TRIM24: variants seen among roughly 807,000 people sequenced by gnomAD.
TRIM24 encodes the protein transcription intermediary factor 1-alpha.
A neutral mutation model predicts 123.9 loss-of-function variants in TRIM24; 29 were observed. The ratio of observed to expected loss-of-function variants is 0.23; its 90% CI spans 0.17 to 0.32. The LOEUF is 0.32. Among genes scored for constraint, TRIM24 ranks in the 10% least tolerant of loss-of-function variants. The pLI is 1.00. For missense variants in TRIM24, 932 were observed against 1,295.3 expected (o/e 0.72, Z 4.31); for synonymous variants, 456 against 461.1 (o/e 0.99, Z 0.14).
At chr7:138,476,820 G>A (rs188504485) in intron 1 of TRIM24, among the ~76,000 whole-genome samples, 1 of 152,156 alleles carries the variant, frequency 6.6e-6, no homozygotes, top group Non-Finnish European at 1.5e-5. Context: ...AGATACAAAT[G>A]CAAAATAATA....
chr7:138,504,233 G>C, intron 1 of TRIM24, 57 bp from the exon 2 acceptor site: 2 of 1,126,794 alleles, frequency 1.8e-6, no homozygotes, highest in Middle Eastern at 2.1e-4. Context: ...GAGATGTATT[G>C]GTTAAGTACT....
intron 1 of TRIM24, among the ~76,000 whole-genome samples, chr7:138,491,576 A>G (rs1484944850): frequency 6.6e-6 from 1 of 152,162 alleles, no homozygotes; most frequent in African/African-American, 2.4e-5. Context: ...TTATTTACAC[A>G]TTGATCTTTT....
At chr7:138,583,126 C>T (rs1022552348) in intron 17 of TRIM24, among the ~76,000 whole-genome samples, 11 of 152,102 alleles carry the variant, frequency 7.2e-5, no homozygotes, top group Non-Finnish European at 1.3e-4. Context: ...AGTAGCTTAC[C>T]CAGGACCATG....
chr7:138,563,139 C>A (rs1797462201), intron 9 of TRIM24, among the ~76,000 whole-genome samples: 3 of 152,182 alleles, frequency 2.0e-5, no homozygotes, highest in Admixed American at 2.0e-4. Context: ...GCTGGCCCCC[C>A]ACTTCTAATG....
chr7:138,576,182 T>C (rs1022270176), intron 12 of TRIM24, among the ~76,000 whole-genome samples, 191 bp from the exon 13 acceptor site: 10 of 152,218 alleles, frequency 6.6e-5, no homozygotes, highest in African/African-American at 2.4e-4. Flanking sequence ...AAGTCAATAG[T>C]GCAGAGGCTG....
chr7:138,553,935 A>C (rs1173738243), intron 8 of TRIM24, among the ~76,000 whole-genome samples: 1 of 152,214 alleles, frequency 6.6e-6, no homozygotes, highest in Non-Finnish European at 1.5e-5. Flanking sequence ...ACTTACATAC[A>C]GGACAGTCCA....
chr7:138,462,877 T>A (rs1195797319), intron 1 of TRIM24, among the ~76,000 whole-genome samples: 2 of 143,020 alleles, frequency 1.4e-5, no homozygotes, highest in Admixed American at 7.0e-5. Flanking sequence ...TATTTATTTA[T>A]TTTTTTTTTG....
chr7:138,585,390 G>C lies in TRIM24; in HGVS notation c.*439G>C, dbSNP rs983427105. ...GCTTTAGAAATTAATACCACTACCC[G>C]TGAATTATATGGCCTGACAATATGA... On this transcript the variant is annotated 3_prime_UTR_variant, in exon 19 of 19. Transcript: ENST00000343526. The C allele has an allele frequency of 1.3e-5, 3 of 230,826 alleles. No homozygotes were observed. Among genetic ancestry groups the C allele is most frequent in the Non-Finnish European group, 1.7e-5 (2 of 117,674 alleles). 14.3% of individuals were successfully genotyped at this position (230,826 alleles called of 1,614,324 possible).
chr7:138,588,392 G>C lies in TRIM24; in HGVS notation c.*3441G>C, dbSNP rs1798052730. Reference sequence around the variant, plus strand: ...GTGAATGAGAGAAATTGAGTGATCTGATTGGCCATTAAAATTATGGTGAAT... The same window carrying C: ...GTGAATGAGAGAAATTGAGTGATCTCATTGGCCATTAAAATTATGGTGAAT... On this transcript the variant is annotated 3_prime_UTR_variant, in exon 19 of 19. Transcript: ENST00000343526. The C allele has an allele frequency of 6.6e-6, 1 of 152,250 alleles. No homozygotes were observed. Among genetic ancestry groups the C allele is most frequent in the Non-Finnish European group, 1.5e-5 (1 of 68,054 alleles). The allele number at this position is 152,250 out of a possible 1,614,324, so 9.4% of individuals were successfully genotyped here. A position where few individuals can be genotyped will look rare whatever the true frequency, so the allele number is the denominator to read the frequency against.
At chr7:138,487,312 T>C (rs530794001) in intron 1 of TRIM24, among the ~76,000 whole-genome samples, 235 of 152,370 alleles carry the variant, frequency 1.5e-3, no homozygotes, top group Non-Finnish European at 2.6e-3. Flanking sequence ...CCTCTTTTGC[T>C]AATTGAATAC....
At chr7:138,538,841 G>A (rs773095922) in intron 7 of TRIM24, 38 bp downstream of exon 7, 8 of 1,576,310 alleles carry the variant, frequency 5.1e-6, no homozygotes, top group South Asian at 2.3e-5. Flanking sequence ...CTGTAAAAAT[G>A]CACAGTAAAA....
chr7:138,517,308 A>G (rs1239874446), intron 3 of TRIM24, among the ~76,000 whole-genome samples: 1 of 151,922 alleles, frequency 6.6e-6, no homozygotes, highest in South Asian at 2.1e-4. Flanking sequence ...TTTTTAGTTC[A>G]TTAATTTTAT....
At chr7:138,559,938 G>T (rs536815560) in intron 9 of TRIM24, among the ~76,000 whole-genome samples, 12 of 152,102 alleles carry the variant, frequency 7.9e-5, no homozygotes, top group Admixed American at 6.5e-4. Context: ...ACCCAGCCAT[G>T]GATTCTTTGC....
rs1794941423 is a variant in TRIM24 at position 138,460,735 on chromosome 7, A to G, written c.187A>G (p.Ile63Val). 1.9e-6 allele frequency: 3 copies of G among 1,576,448 alleles called. No homozygotes were observed. The highest frequency in any genetic ancestry group is 2.6e-6 in the Non-Finnish European group (3 of 1,164,486). ...CACTTGCGCCGTGTGCCACCAGAAC[A>G]TCCAGAGCCGGGCGCCCAAGCTGCT... ...LDTCAVCHQN[I>V]QSRAPKLLPC... The change falls in exon 1 of 19, where the codon ATC becomes GTC. Residue 63 changes from isoleucine (I) to valine (V), a missense_variant. Coordinates refer to ENST00000343526, the MANE Select transcript of TRIM24 (RefSeq NM_015905.3).
At chr7:138,463,713 C>A (rs1012099340) in intron 1 of TRIM24, among the ~76,000 whole-genome samples, 1 of 152,114 alleles carries the variant, frequency 6.6e-6, no homozygotes, top group Admixed American at 6.5e-5. Context: ...TTCCATACTT[C>A]TCAAAATGTT....
intron 2 of TRIM24, 51 bp downstream of exon 2, chr7:138,504,459 T>C: frequency 1.7e-6 from 2 of 1,175,510 alleles, no homozygotes; most frequent in Non-Finnish European, 2.3e-6. Flanking sequence ...TTTTTTTTTT[T>C]TTTTTTTTTT....
At chr7:138,469,331 A>ATTTT (rs1051563303) in intron 1 of TRIM24, among the ~76,000 whole-genome samples, 1 of 137,228 alleles carries the variant, frequency 7.3e-6, no homozygotes, top group Non-Finnish European at 1.6e-5. Flanking sequence ...CCCTTTCTCA[A>ATTTT]TTTTTTTTTT....
At chr7:138,581,566 A>AT (rs1179184567) in intron 16 of TRIM24, 131 bp from the exon 17 acceptor site, 3 of 706,770 alleles carry the variant, frequency 4.2e-6, no homozygotes, top group South Asian at 2.2e-5. Flanking sequence ...AGAATCAGTA[A>AT]TTTTTTTGTA....
chr7:138,552,839 T>C (rs1031670549), intron 8 of TRIM24, among the ~76,000 whole-genome samples: 1 of 152,176 alleles, frequency 6.6e-6, no homozygotes, highest in African/African-American at 2.4e-5. Flanking sequence ...CCAAAAAGCA[T>C]CTTTAGAATA....
Sources: allele counts gnomAD v4.1 joint callset (sites outside exome capture counted in the v4.1 genomes callset), GRCh38; gene constraint gnomAD v4.1.1; transcripts MANE v1.5; gene names NCBI Gene and HGNC (gene_info 2026-07-23, HGNC 2026-07-21).